The following CADM4 variants were observed in gnomAD, a reference collection of about 807,000 sequenced individuals.
The protein encoded by CADM4 is TSLC1-like 2.
CADM4 carries 13 observed loss-of-function variants against 43.9 expected under a neutral mutation model. That is an observed-to-expected ratio of 0.30 (90% CI 0.19 to 0.47). CADM4 has a LOEUF of 0.47. Ranked by LOEUF, CADM4 falls within the 20% of genes least tolerant of loss-of-function variation. The pLI is 1.00. For synonymous variants in CADM4, 209 were observed against 220.9 expected, an observed-to-expected ratio of 0.95 and a Z score of 0.48; for missense variants, 420 against 527.0, an observed-to-expected ratio of 0.80 and a Z score of 1.99.
chr19:43,632,696 T>A (rs183302492), intron 1 of CADM4, among the ~76,000 whole-genome samples: 4 of 152,160 alleles, frequency 2.6e-5, no homozygotes, highest in Admixed American at 1.3e-4. Context: ...TGACTCCTGT[T>A]CCCATTTGGG....
upstream of CADM4, chr19:43,639,885 G>C: frequency 1.1e-6 from 1 of 915,364 alleles, no homozygotes; most frequent in South Asian, 5.0e-5. Context: ...CCCCCTGCCC[G>C]CCCGGGGGCG....
chr19:43,623,100 C>G lies in CADM4; in HGVS notation c.*230G>C. ...CTCACTGGACTTGGGGGGTCTGGAC[C>G]TTTGGCCCCTGCCCCCTGGGGGACC... On this transcript the variant is annotated 3_prime_UTR_variant, in exon 9 of 9. Transcript: ENST00000222374. The surrounding 1 kb of genome is among the most constrained non-coding windows in gnomAD (Gnocchi z 4.4). 1 of 532,918 alleles carries G rather than the reference C, an allele frequency of 1.9e-6. No homozygotes were observed. Among genetic ancestry groups the G allele is most frequent in the South Asian group, 2.2e-5 (1 of 46,478 alleles). 33.0% of individuals were successfully genotyped at this position (532,918 alleles called of 1,614,324 possible).
chr19:43,635,149 C>A (rs1568544120), intron 1 of CADM4, among the ~76,000 whole-genome samples: 1 of 151,484 alleles, frequency 6.6e-6, no homozygotes, highest in African/African-American at 2.4e-5. Flanking sequence ...GTGGGGGGAG[C>A]GCTTCCTGGG....
In CADM4 at chr19:43,627,528, T is replaced by A. The variant is rs1973549454; in HGVS notation, c.211+116A>T. ...CCAGCAGTCCGGGACCCCAGCCCTT[T>A]CTTCTCCGAGACCCAGGAGACCAAA... is the stretch of plus-strand genomic sequence containing the variant. On this transcript the variant is annotated intron_variant, in intron 2 of 8. Coordinates refer to ENST00000222374, the MANE Select transcript of CADM4 (RefSeq NM_145296.2). This position sits in a 1 kb window ranked among gnomAD's most constrained non-coding sequence, Gnocchi z 4.0. 3 of 1,325,450 alleles carry A rather than the reference T, an allele frequency of 2.3e-6. No individual in the cohort carries two copies. Among genetic ancestry groups the A allele is most frequent in the Non-Finnish European group, 3.1e-6 (3 of 978,840 alleles). 82.1% of individuals were successfully genotyped at this position (1,325,450 alleles called of 1,614,324 possible). A position where few individuals can be genotyped will look rare whatever the true frequency, so the allele number is the denominator to read the frequency against.
intron 1 of CADM4, among the ~76,000 whole-genome samples, chr19:43,634,261 A>T (rs1480403984): frequency 6.6e-6 from 1 of 152,214 alleles, no homozygotes; most frequent in Admixed American, 6.5e-5. Context: ...CATGCATGTG[A>T]AAACTGGCAT....
intron 1 of CADM4, among the ~76,000 whole-genome samples, chr19:43,639,135 C>T (rs1973738322): frequency 6.6e-6 from 1 of 151,114 alleles, no homozygotes; most frequent in Non-Finnish European, 1.5e-5. Context: ...GAGACAGAGA[C>T]AGGGACCAAG....
intron 1 of CADM4, among the ~76,000 whole-genome samples, chr19:43,633,678 T>TTCTTTCTTTC (rs1973660779): frequency 6.6e-6 from 1 of 151,576 alleles, no homozygotes; most frequent in Non-Finnish European, 1.5e-5. Context: ...TTCTTTCTCT[T>TTCTTTCTTTC]TCTTTCTTTT....
At chr19:43,624,455 A>G (rs1043137195) in intron 7 of CADM4, among the ~76,000 whole-genome samples, 2 of 151,926 alleles carry the variant, frequency 1.3e-5, no homozygotes, top group Non-Finnish European at 2.9e-5. Context: ...GTCATGTTAC[A>G]TTTTCCTTTT....
In CADM4 at chr19:43,626,243, C is replaced by A; in HGVS notation, c.545G>T (p.Ser182Ile). ...QENGKVWSVA[S>I]TVRFRVDRKD... ...ACGGTCCACACGAAACCGTACTGTG[C>A]TTGCCACGCTCCAGACCTTGCCATT... The change falls in exon 5 of 9, where the codon AGC (serine) becomes ATC (isoleucine). Residue 182 changes from serine (S) to isoleucine (I), a missense_variant. Transcript: ENST00000222374. This position sits in a 1 kb window ranked among gnomAD's most constrained non-coding sequence, Gnocchi z 5.9. 1 of 1,613,172 alleles carries A rather than the reference C, an allele frequency of 6.2e-7. No homozygotes were observed. Among genetic ancestry groups the A allele is most frequent in the South Asian group, 1.1e-5 (1 of 91,088 alleles).
chr19:43,634,252 A>T (rs1200792459), intron 1 of CADM4, among the ~76,000 whole-genome samples: 1 of 152,246 alleles, frequency 6.6e-6, no homozygotes, highest in Non-Finnish European at 1.5e-5. Context: ...AAACATGCCC[A>T]TGCATGTGAA....
chr19:43,629,943 G>T (rs568246825), intron 1 of CADM4, among the ~76,000 whole-genome samples: 13 of 151,298 alleles, frequency 8.6e-5, no homozygotes, highest in African/African-American at 3.2e-4. Flanking sequence ...TTTAATTTGA[G>T]ACAAGGTCAG....
intron 1 of CADM4, among the ~76,000 whole-genome samples, chr19:43,632,135 A>G (rs1973634488): frequency 6.6e-6 from 1 of 152,142 alleles, no homozygotes; most frequent in Non-Finnish European, 1.5e-5. Context: ...CAATCTCAAT[A>G]AATGTCACCA....
chr19:43,632,552 C>A (rs905803557), intron 1 of CADM4, among the ~76,000 whole-genome samples: 1 of 152,136 alleles, frequency 6.6e-6, no homozygotes, highest in Non-Finnish European at 1.5e-5. Context: ...GCTGACCTTA[C>A]TTCACTCTGG....
At chr19:43,630,008 G>T (rs973416095) in intron 1 of CADM4, among the ~76,000 whole-genome samples, 2 of 151,558 alleles carry the variant, frequency 1.3e-5, no homozygotes, top group Non-Finnish European at 2.9e-5. Context: ...TCCCAGGCTC[G>T]AGTGATCCCA....
At chr19:43,634,121 G>A (rs533818126) in intron 1 of CADM4, among the ~76,000 whole-genome samples, 18 of 152,190 alleles carry the variant, frequency 1.2e-4, no homozygotes, top group South Asian at 6.2e-4. Context: ...CTTACCTTTC[G>A]GAGCCTCAGT....
chr19:43,629,944 A>G (rs1362609663), intron 1 of CADM4, among the ~76,000 whole-genome samples: 1 of 150,038 alleles, frequency 6.7e-6, no homozygotes, highest in Non-Finnish European at 1.5e-5. Flanking sequence ...TTAATTTGAG[A>G]CAAGGTCAGG....
Position 43,625,026 on chromosome 19 carries a change from C to A in CADM4, c.928+52G>T. The A allele has an allele frequency of 8.1e-7, 1 of 1,234,972 alleles. No individual in the cohort carries two copies. The highest frequency in any genetic ancestry group is 1.6e-5 in the South Asian group (1 of 63,542). The allele number at this position is 1,234,972 out of a possible 1,614,324, so 76.5% of individuals were successfully genotyped here. A position where few individuals can be genotyped will look rare whatever the true frequency, so the allele number is the denominator to read the frequency against. ...TGGCCTCTTTGCTCAAGCCCCGCCC[C>A]CGCCACCTGGCGCCCCGCCCCCGCC... On this transcript the variant is annotated intron_variant, in intron 7 of 8. Coordinates refer to ENST00000222374, the MANE Select transcript of CADM4 (RefSeq NM_145296.2). This position sits in a 1 kb window ranked among gnomAD's most constrained non-coding sequence, Gnocchi z 4.5.
chr19:43,625,033 C>CG lies in CADM4; in HGVS notation c.928+44_928+45insC. ...TTTGCTCAAGCCCCGCCCCCGCCAC[C>CG]TGGCGCCCCGCCCCCGCCCTCAGTC... On this transcript the variant is annotated intron_variant, in intron 7 of 8. Transcript: ENST00000222374. This position sits in a 1 kb window ranked among gnomAD's most constrained non-coding sequence, Gnocchi z 4.5. The CG allele has an allele frequency of 7.1e-7, 1 of 1,400,798 alleles. No individual in the cohort carries two copies. Among genetic ancestry groups the CG allele is most frequent in the Non-Finnish European group, 9.5e-7 (1 of 1,050,774 alleles). The allele number at this position is 1,400,798 out of a possible 1,614,324, so 86.8% of individuals were successfully genotyped here. A position where few individuals can be genotyped will look rare whatever the true frequency, so the allele number is the denominator to read the frequency against.
intron 1 of CADM4, among the ~76,000 whole-genome samples, chr19:43,634,683 T>A (rs1973676253): frequency 1.3e-5 from 2 of 152,030 alleles, no homozygotes; most frequent in South Asian, 4.1e-4. Flanking sequence ...TTAAACTGTG[T>A]TGACAGCCAG....
Sources: gnomAD v4.1 joint callset for allele counts (sites outside exome capture counted in the v4.1 genomes callset) on GRCh38, gnomAD v4.1.1 for gene constraint, Gnocchi (gnomAD v3.1) non-coding constraint, MANE v1.5 for transcripts, NCBI Gene and HGNC (gene_info 2026-07-23, HGNC 2026-07-21) for gene names.